HID1: variants seen among roughly 807,000 people sequenced by gnomAD.
The protein encoded by HID1 is HID1 domain containing.
A neutral mutation model predicts 89.7 loss-of-function variants in HID1; 42 were observed. The ratio of observed to expected loss-of-function variants is 0.47; its 90% CI spans 0.37 to 0.61. HID1 has a LOEUF of 0.61. Among genes scored for constraint, HID1 ranks in the 20% least tolerant of loss-of-function variants. The pLI, the probability that HID1 is intolerant of heterozygous loss-of-function variation, is 0.00. For missense variants in HID1, 854 were observed against 1,039.3 expected (o/e 0.82, Z 2.45); for synonymous variants, 442 against 433.8 (o/e 1.02, Z -0.24).
Position 74,959,818 on chromosome 17 carries a change from C to A in HID1, c.1008+63G>T. On this transcript the variant is annotated intron_variant, in intron 8 of 18. Transcript: ENST00000425042. This position sits in a 1 kb window ranked among gnomAD's most constrained non-coding sequence, Gnocchi z 4.6. ...CCTTCATGGAGGGGTCAGGATCCCC[C>A]ATATCCCTGTCTCACTTGCATCCCC... 1 of 1,547,480 alleles carries A rather than the reference C, an allele frequency of 6.5e-7. No homozygotes were observed. Among genetic ancestry groups the A allele is most frequent in the South Asian group, 1.1e-5 (1 of 89,482 alleles).
rs918296375 is a variant in HID1, at chr17:74,959,496, G to C, written c.1008+385C>G. Among the ~76,000 whole-genome samples, 1 of 152,136 alleles carries C rather than the reference G, an allele frequency of 6.6e-6. No homozygotes were observed. Among genetic ancestry groups the C allele is most frequent in the African/African-American group, 2.4e-5 (1 of 41,404 alleles). ...ACTGAGGCCTGCCACTAGCTGGGGT[G>C]AGAAGGCAGCTAGGGTCCTGTGTTT... On this transcript the variant is annotated intron_variant, in intron 8 of 18. Coordinates refer to ENST00000425042, the MANE Select transcript of HID1 (RefSeq NM_030630.3). This position sits in a 1 kb window ranked among gnomAD's most constrained non-coding sequence, Gnocchi z 4.6.
intron 14 of HID1, among the ~76,000 whole-genome samples, 194 bp from the exon 15 acceptor site, chr17:74,953,845 G>A (rs1450025085): frequency 6.6e-6 from 1 of 151,912 alleles, no homozygotes; most frequent in East Asian, 1.9e-4. Flanking sequence ...CTCGCCCTGA[G>A]GCTCTGCCCC....
intron 1 of HID1, among the ~76,000 whole-genome samples, chr17:74,968,370 A>G (rs1380947791): frequency 6.6e-6 from 1 of 152,160 alleles, no homozygotes; most frequent in Non-Finnish European, 1.5e-5. Flanking sequence ...CAGCCTGGCC[A>G]CAGAGCAGGG....
Position 74,958,628 on chromosome 17 carries a change from G to A in HID1, c.1240+45C>T, listed in dbSNP as rs762294548. 5.0e-6 allele frequency: 8 copies of A among 1,597,360 alleles called. No individual in the cohort carries two copies. Among genetic ancestry groups the A allele is most frequent in the Admixed American group, 3.3e-5 (2 of 59,808 alleles). On this transcript the variant is annotated intron_variant, in intron 10 of 18. Coordinates refer to ENST00000425042, the MANE Select transcript of HID1 (RefSeq NM_030630.3). The surrounding 1 kb of genome is among the most constrained non-coding windows in gnomAD (Gnocchi z 5.2). ...GGGCAGATAGCCAGCCCTCCACCTC[G>A]CCGCCAGGAAAGCCCCCAGCATCCC...
At chr17:74,956,155 C>A (rs964137167) in intron 12 of HID1, among the ~76,000 whole-genome samples, 199 bp from the exon 13 acceptor site, 1 of 152,146 alleles carries the variant, frequency 6.6e-6, no homozygotes, top group Admixed American at 6.5e-5. Flanking sequence ...AGGCCCCACC[C>A]TCACCCCTCG....
At position 74,963,921 on chromosome 17, in the gene HID1, A is replaced by G; in HGVS notation, c.217-11T>C. The G allele has an allele frequency of 2.5e-6, 4 of 1,613,570 alleles. No individual in the cohort carries two copies. The highest frequency in any genetic ancestry group is 3.4e-6 in the Non-Finnish European group (4 of 1,179,824). ...CAGCTTCTCAACGGCCTGTGGGGGC[A>G]GGCAGGAGCAGAGGGCAGGCTGGAA... On this transcript the variant is annotated splice_polypyrimidine_tract_variant and intron_variant, in intron 2 of 18. Coordinates refer to ENST00000425042, the MANE Select transcript of HID1 (RefSeq NM_030630.3).
Position 74,955,860 on chromosome 17 carries a change from G to C in HID1, c.1568C>G (p.Ala523Gly). 6.2e-7 allele frequency: 1 copy of C among 1,614,164 alleles called. No homozygotes were observed. The highest frequency in any genetic ancestry group is 2.2e-5 in the East Asian group (1 of 44,890). ...GAAGAAGACCAGGTGGTGGTTCTGG[G>C]CGGCAGAGAAGAGGAACCAGGTGGT... ...FSTTWFLFSAAQNHHLVFFLL... is the reference protein window; with the variant it reads ...FSTTWFLFSAGQNHHLVFFLL... Residue 523 changes from alanine (A) to glycine (G), a missense_variant, in exon 13 of 19, where the codon GCC becomes GGC. Ala to Gly is a moderately conservative substitution (Grantham distance 60). Coordinates refer to ENST00000425042, the MANE Select transcript of HID1 (RefSeq NM_030630.3).
chr17:74,952,447 C>T (rs1400316295), intron 16 of HID1, 87 bp from the exon 17 acceptor site: 2 of 912,200 alleles, frequency 2.2e-6, no homozygotes, highest in Non-Finnish European at 3.6e-6. Flanking sequence ...ACCACAGGCT[C>T]CCCAAGGCAG....
intron 6 of HID1, among the ~76,000 whole-genome samples, chr17:74,961,349 C>T (rs555725435): frequency 6.6e-6 from 1 of 151,936 alleles, no homozygotes; most frequent in African/African-American, 2.4e-5. Context: ...CTCACTGCAA[C>T]CTCCGCCTCC....
At chr17:74,953,937 T>A (rs1049401107) in intron 14 of HID1, among the ~76,000 whole-genome samples, 3 of 150,932 alleles carry the variant, frequency 2.0e-5, no homozygotes, top group African/African-American at 7.3e-5. Flanking sequence ...ACACTCGCCC[T>A]GAGGCTTTGC....
chr17:74,956,528 G>T (rs901654842), intron 12 of HID1, among the ~76,000 whole-genome samples: 1 of 152,176 alleles, frequency 6.6e-6, no homozygotes, highest in South Asian at 2.1e-4. Context: ...AGGGACCAGG[G>T]CTGTCTTGGT....
Position 74,964,638 on chromosome 17 carries a change from G to T in HID1, c.67-6C>A. Reference sequence around the variant, plus strand: ...TCATCGGTGGCTTCCACGGGCTGTGGGGGGACCAAGGGTCCAGAGTTACAC... The same window carrying T: ...TCATCGGTGGCTTCCACGGGCTGTGTGGGGACCAAGGGTCCAGAGTTACAC... On this transcript the variant is annotated splice_region_variant and splice_polypyrimidine_tract_variant and intron_variant, in intron 1 of 18. Coordinates refer to ENST00000425042, the MANE Select transcript of HID1 (RefSeq NM_030630.3). 6.2e-7 allele frequency: 1 copy of T among 1,609,460 alleles called. No individual in the cohort carries two copies. Among genetic ancestry groups the T allele is most frequent in the Non-Finnish European group, 8.5e-7 (1 of 1,178,466 alleles).
intron 1 of HID1, chr17:74,970,745 T>TC (rs1161223362): frequency 6.6e-6 from 1 of 152,288 alleles, no homozygotes; most frequent in Admixed American, 6.5e-5. Flanking sequence ...CCACATATCA[T>TC]CCTATGGACA....
rs1221939855 is a variant in HID1, at chr17:74,958,390, G to C, written c.1329C>G (p.Tyr443Ter). ...GGATGTCCATGGGCACGCGGATTGA[G>C]TAGGGTTTGTTCAGCCGCACCCCGA... ...RNFGVRLNKP[Y>*]SIRVPMDIPV... Residue 443 changes from tyrosine (Y) to a stop codon, truncating the protein, a stop_gained, in exon 11 of 19, where the codon TAC becomes TAG. Coordinates refer to ENST00000425042, the MANE Select transcript of HID1 (RefSeq NM_030630.3). LOFTEE classifies it high-confidence loss of function. This position sits in a 1 kb window ranked among gnomAD's most constrained non-coding sequence, Gnocchi z 5.2. The C allele has an allele frequency of 1.9e-6, 3 of 1,611,888 alleles. No homozygotes were observed. Among genetic ancestry groups the C allele is most frequent in the Non-Finnish European group, 2.5e-6 (3 of 1,179,174 alleles).
chr17:74,965,542 A>G (rs1373046858), intron 1 of HID1, among the ~76,000 whole-genome samples: 1 of 152,118 alleles, frequency 6.6e-6, no homozygotes, highest in African/African-American at 2.4e-5. Context: ...CCTTCACCCA[A>G]GCTGTTCTCT....
Position 74,951,933 on chromosome 17 carries a change from T to C in HID1, c.2275A>G (p.Thr759Ala), listed in dbSNP as rs1334165290. Residue 759 changes from threonine (T) to alanine (A), a missense_variant, in exon 18 of 19, where the codon ACC becomes GCC. Thr to Ala is a moderately conservative substitution (Grantham distance 58). Coordinates refer to ENST00000425042, the MANE Select transcript of HID1 (RefSeq NM_030630.3). ...ANSGTAMWFRTYMWGVIYLRN... is the reference protein window; with the variant it reads ...ANSGTAMWFRAYMWGVIYLRN... Reference sequence around the variant, plus strand: ...AGATAGATGACGCCCCACATGTAGGTGCGGAACCACATGGCAGTGCCCGAG... The same window carrying C: ...AGATAGATGACGCCCCACATGTAGGCGCGGAACCACATGGCAGTGCCCGAG... The C allele has an allele frequency of 6.5e-7, 1 of 1,550,358 alleles. No homozygotes were observed. Among genetic ancestry groups the C allele is most frequent in the Admixed American group, 2.0e-5 (1 of 49,758 alleles).
At chr17:74,954,787 T>A in intron 13 of HID1, 1 of 215,420 alleles carries the variant, frequency 4.6e-6, no homozygotes, top group South Asian at 6.5e-5. Flanking sequence ...AACGCTGACT[T>A]CTCCTGGCTC....
chr17:74,967,494 G>T (rs868850121), intron 1 of HID1, among the ~76,000 whole-genome samples: 1 of 147,176 alleles, frequency 6.8e-6, no homozygotes, highest in Non-Finnish European at 1.5e-5. Context: ...AGCCAAGATC[G>T]CACCACTGCA....
At position 74,963,872 on chromosome 17, in the gene HID1, G is replaced by A. The variant is rs753193891; in HGVS notation, c.255C>T (p.Cys85=). The A allele has an allele frequency of 1.2e-6, 2 of 1,613,062 alleles. No homozygotes were observed. Among genetic ancestry groups the A allele is most frequent in the Non-Finnish European group, 8.5e-7 (1 of 1,179,952 alleles). ...EKLVQGAESG[C]HSEKEKQIVL... is the part of the protein sequence containing the mutation. Reference sequence around the variant, plus strand: ...CGATCTGCTTCTCCTTCTCCGAGTGGCAGCCACTCTCAGCTCCCTGCACCA... The same window carrying A: ...CGATCTGCTTCTCCTTCTCCGAGTGACAGCCACTCTCAGCTCCCTGCACCA... The change falls in exon 3 of 19, where the codon TGC becomes TGT. Residue 85 remains cysteine, a synonymous_variant. Coordinates refer to ENST00000425042, the MANE Select transcript of HID1 (RefSeq NM_030630.3).
Sources: allele counts gnomAD v4.1 joint callset (sites outside exome capture counted in the v4.1 genomes callset), GRCh38; gene constraint gnomAD v4.1.1; non-coding constraint Gnocchi (gnomAD v3.1); transcripts MANE v1.5; gene names NCBI Gene and HGNC (gene_info 2026-07-23, HGNC 2026-07-21).